Variants in COQ8A observed in about 807,000 individuals in gnomAD.
The protein encoded by COQ8A is coenzyme Q8A.
A neutral mutation model predicts 65.0 loss-of-function variants in COQ8A; 51 were observed. That is an observed-to-expected ratio of 0.78 (90% CI 0.63 to 0.99). The LOEUF is 0.99. Ranked by LOEUF, COQ8A falls within the 50% of genes least tolerant of loss-of-function variation. The pLI, the probability that COQ8A is intolerant of heterozygous loss-of-function variation, is 0.00. For synonymous variants in COQ8A, 371 were observed against 353.2 expected (o/e 1.05, Z -0.57); for missense variants, 940 against 875.0 (o/e 1.07, Z -0.94).
chr1:226,975,686 C>G (rs779760720), intron 4 of COQ8A, among the ~76,000 whole-genome samples: 31 of 152,152 alleles, frequency 2.0e-4, no homozygotes, highest in Non-Finnish European at 3.8e-4. Flanking sequence ...ACGAGAACAA[C>G]AGCAGCTGCT....
chr1:226,964,864 G>A (rs1658461244), intron 2 of COQ8A, 136 bp from the exon 3 acceptor site: 3 of 1,012,124 alleles, frequency 3.0e-6, no homozygotes, highest in Non-Finnish European at 4.5e-6. Flanking sequence ...CGGGCCTCAG[G>A]TGCAGCACTG....
chr1:226,954,603 G>A (rs1355402920), intron 1 of COQ8A, among the ~76,000 whole-genome samples: 1 of 152,250 alleles, frequency 6.6e-6, no homozygotes, highest in Non-Finnish European at 1.5e-5. Flanking sequence ...CCAGCCTCCT[G>A]AGAGGCCCTT....
At chr1:226,976,369 T>G (rs1468280296) in intron 4 of COQ8A, among the ~76,000 whole-genome samples, 115 of 114,578 alleles carry the variant, frequency 1.0e-3, no homozygotes, top group South Asian at 4.1e-3. Context: ...CGATGTTGCC[T>G]GGCTGCGGGG....
intron 5 of COQ8A, among the ~76,000 whole-genome samples, chr1:226,979,714 G>A (rs774359242): frequency 6.6e-6 from 1 of 152,162 alleles, no homozygotes; most frequent in Non-Finnish European, 1.5e-5. Context: ...TGCCTTCTGG[G>A]GCAAGGGCAC....
At chr1:226,963,788 A>G (rs1295840156) in intron 2 of COQ8A, among the ~76,000 whole-genome samples, 7 of 152,156 alleles carry the variant, frequency 4.6e-5, no homozygotes, top group Non-Finnish European at 1.0e-4. Context: ...TATTTTTAGT[A>G]GAGATGGGGT....
chr1:226,960,144 TTGG>T (rs1014271904), intron 1 of COQ8A, among the ~76,000 whole-genome samples: 1 of 138,864 alleles, frequency 7.2e-6, no homozygotes. Context: ...GTGGTGGTAC[TTGG>T]TGGTAGTGGT....
chr1:226,976,054 G>T (rs1290298848), intron 4 of COQ8A, among the ~76,000 whole-genome samples: 1 of 152,030 alleles, frequency 6.6e-6, no homozygotes, highest in African/African-American at 2.4e-5. Flanking sequence ...TTGCCTGGCT[G>T]CCGGGCAGTG....
At chr1:226,985,671 C>T (rs1660059055) in intron 14 of COQ8A, among the ~76,000 whole-genome samples, 1 of 152,172 alleles carries the variant, frequency 6.6e-6, no homozygotes, top group Non-Finnish European at 1.5e-5. Flanking sequence ...CCTCATCGAG[C>T]CTCCCTGGGG....
At position 226,949,134 on chromosome 1, in the gene COQ8A, G is replaced by A. The variant is rs1489155422; in HGVS notation, c.-10+8735G>A. Among the ~76,000 whole-genome samples, 1 of 151,806 alleles carries A rather than the reference G, an allele frequency of 6.6e-6. No individual in the cohort carries two copies. The highest frequency in any genetic ancestry group is 2.4e-5 in the African/African-American group (1 of 41,318). On this transcript the variant is annotated intron_variant, in intron 1 of 14. Coordinates refer to ENST00000366777, the MANE Select transcript of COQ8A (RefSeq NM_020247.5). This position sits in a 1 kb window ranked among gnomAD's most constrained non-coding sequence, Gnocchi z 4.0. ...GACGTACAGAGATGAAGGGGCGAGC[G>A]GGCCTGCCTGAGAAAGTAGGACCTG...
intron 12 of COQ8A, 84 bp downstream of exon 12, chr1:226,984,739 C>G: frequency 6.6e-7 from 1 of 1,517,902 alleles, no homozygotes; most frequent in Non-Finnish European, 9.1e-7. Context: ...TGCCCCTTGT[C>G]CTGGGAAAGT....
chr1:226,982,200 G>A (rs1269450983), intron 6 of COQ8A, 51 bp downstream of exon 6: 5 of 1,541,052 alleles, frequency 3.2e-6, no homozygotes, highest in Non-Finnish European at 2.6e-6. Context: ...CTGCTGGGGG[G>A]GTCAACTTCC....
chr1:226,986,406 AG>A (rs1660115005), intron 14 of COQ8A, 46 bp from the exon 15 acceptor site: 2 of 1,601,456 alleles, frequency 1.2e-6, no homozygotes, highest in African/African-American at 1.3e-5. Flanking sequence ...GGGCTGGTGG[AG>A]GGCTCTGGTG....
In COQ8A at chr1:226,986,989, A is replaced by G. The variant is rs886046070; in HGVS notation, c.*252A>G. ...TCCGTGTGTCCTCTGAAATAAGCAG[A>G]TGAAGATGAAAGGGCAACTTTGTTT... On this transcript the variant is annotated 3_prime_UTR_variant, in exon 15 of 15. Coordinates refer to ENST00000366777, the MANE Select transcript of COQ8A (RefSeq NM_020247.5). 1.8e-6 allele frequency: 1 copy of G among 563,578 alleles called. No homozygotes were observed. Among genetic ancestry groups the G allele is most frequent in the Non-Finnish European group, 3.2e-6 (1 of 315,720 alleles). 34.9% of individuals were successfully genotyped at this position (563,578 alleles called of 1,614,324 possible). A position where few individuals can be genotyped will look rare whatever the true frequency, so the allele number is the denominator to read the frequency against.
At chr1:226,961,673 C>T (rs1658262472) in intron 2 of COQ8A, 111 bp downstream of exon 2, 1 of 1,326,858 alleles carries the variant, frequency 7.5e-7, no homozygotes, top group Admixed American at 2.6e-5. Context: ...TGGCCAGGGC[C>T]TGAGGGCCCA....
chr1:226,971,077 A>T (rs967511181), intron 4 of COQ8A, among the ~76,000 whole-genome samples: 1 of 151,746 alleles, frequency 6.6e-6, no homozygotes, highest in Admixed American at 6.6e-5. Flanking sequence ...AGTAGCTGGG[A>T]TTACAGGTGC....
At chr1:226,960,346 T>TGGC (rs1658115393) in intron 1 of COQ8A, among the ~76,000 whole-genome samples, 1 of 136,272 alleles carries the variant, frequency 7.3e-6, no homozygotes, top group Admixed American at 7.0e-5. Context: ...TACTTGGTGG[T>TGGC]GGTGGTGGTG....
rs114345124 is a variant in COQ8A at position 226,976,894 on chromosome 1, C to T, written c.656-555C>T. ...CCCAGCGAGGGCTGCGCCTGAGCCCCGCGAGTTCCCCTGGCTTGGATTAGG... is the reference window on the plus strand; with the variant it reads ...CCCAGCGAGGGCTGCGCCTGAGCCCTGCGAGTTCCCCTGGCTTGGATTAGG... On this transcript the variant is annotated intron_variant, in intron 4 of 14. Transcript: ENST00000366777. 6.0e-3 allele frequency among the ~76,000 whole-genome samples: 907 copies of T among 152,322 alleles called. 10 individuals carry two copies. Among genetic ancestry groups the T allele is most frequent in the African/African-American group, 0.02 (850 of 41,568 alleles).
chr1:226,963,666 G>T (rs1043584689), intron 2 of COQ8A, among the ~76,000 whole-genome samples: 3 of 151,756 alleles, frequency 2.0e-5, no homozygotes, highest in Non-Finnish European at 2.9e-5. Flanking sequence ...GTGCAGTGGC[G>T]CAATCTCTGC....
Position 226,982,158 on chromosome 1 carries a change from G to A in COQ8A, c.853+9G>A. The A allele has an allele frequency of 1.3e-6, 2 of 1,573,512 alleles. No homozygotes were observed. Among genetic ancestry groups the A allele is most frequent in the South Asian group, 1.2e-5 (1 of 86,440 alleles). Reference sequence around the variant, plus strand: ...GATGCTGAGCATCCAGGGTGAGTGGGCGCGGGGGCTGCTGCCCCGGGACTG... The same window carrying A: ...GATGCTGAGCATCCAGGGTGAGTGGACGCGGGGGCTGCTGCCCCGGGACTG... On this transcript the variant is annotated intron_variant, in intron 6 of 14. Transcript: ENST00000366777.
Sources: gnomAD v4.1 joint callset for allele counts (sites outside exome capture counted in the v4.1 genomes callset) on GRCh38, gnomAD v4.1.1 for gene constraint, Gnocchi (gnomAD v3.1) non-coding constraint, MANE v1.5 for transcripts, NCBI Gene and HGNC (gene_info 2026-07-23, HGNC 2026-07-21) for gene names.